Variants in ITGA6 observed in about 807,000 individuals in gnomAD.
ITGA6 encodes the protein integrin alpha-6.
Under a neutral mutation model 133.6 loss-of-function variants are expected in ITGA6, and 63 were observed. That is an observed-to-expected ratio of 0.47 (90% CI 0.38 to 0.58). ITGA6 has a LOEUF of 0.58. ITGA6 is among the 20% of genes least tolerant of loss of function. The probability of loss-of-function intolerance (pLI) is 0.00; values close to 1 mark genes in which losing one functional copy is unlikely to be tolerated. For missense variants in ITGA6, 1,068 were observed against 1,309.4 expected (o/e 0.82, Z 2.85); for synonymous variants, 434 against 482.0 (o/e 0.90, Z 1.30).
chr2:172,435,375 T>G (rs1291208045), intron 1 of ITGA6, among the ~76,000 whole-genome samples: 1 of 152,108 alleles, frequency 6.6e-6, no homozygotes, highest in Non-Finnish European at 1.5e-5. Context: ...CCCATTCCCC[T>G]GATATATCTT....
chr2:172,489,350 TC>T, intron 19 of ITGA6, 134 bp from the exon 20 acceptor site: 1 of 713,454 alleles, frequency 1.4e-6, no homozygotes, highest in Non-Finnish European at 2.4e-6. Context: ...CTATCTATAG[TC>T]CATTTTTGGA....
chr2:172,499,789 C>G (rs762308949), intron 24 of ITGA6, among the ~76,000 whole-genome samples: 13 of 152,162 alleles, frequency 8.5e-5, no homozygotes, highest in Non-Finnish European at 1.8e-4. Context: ...GAGGGTGAGA[C>G]AGCAGTGGAT....
intron 5 of ITGA6, among the ~76,000 whole-genome samples, chr2:172,471,916 A>G (rs1685956879): frequency 6.6e-6 from 1 of 151,992 alleles, no homozygotes; most frequent in South Asian, 2.1e-4. Context: ...AAAGAAAGTG[A>G]AGAAAAGTAC....
intron 9 of ITGA6, among the ~76,000 whole-genome samples, chr2:172,476,812 C>A (rs180719996): frequency 2.6e-5 from 4 of 152,176 alleles, no homozygotes; most frequent in Non-Finnish European, 4.4e-5. Context: ...GTACAAAGAA[C>A]ATACAGAAGG....
intron 9 of ITGA6, among the ~76,000 whole-genome samples, chr2:172,477,706 T>C (rs185778270): frequency 9.5e-4 from 145 of 152,340 alleles, no homozygotes; most frequent in Admixed American, 2.1e-3. Context: ...TTGCAGATAG[T>C]GTGAAAGTAG....
intron 25 of ITGA6, among the ~76,000 whole-genome samples, chr2:172,503,063 A>G (rs1687410224): frequency 6.6e-6 from 1 of 152,166 alleles, no homozygotes; most frequent in African/African-American, 2.4e-5. Context: ...ATAACTATAC[A>G]TATAATTTTA....
chr2:172,449,187 A>T (rs1436733569), intron 1 of ITGA6, among the ~76,000 whole-genome samples: 1 of 152,244 alleles, frequency 6.6e-6, no homozygotes, highest in East Asian at 1.9e-4. Context: ...ACTGGGCTGG[A>T]AGCCCTACCC....
chr2:172,473,167 A>T (rs2149046424), intron 5 of ITGA6, among the ~76,000 whole-genome samples: 1 of 152,296 alleles, frequency 6.6e-6, no homozygotes, highest in African/African-American at 2.4e-5. Flanking sequence ...AACCCAATAA[A>T]GGGGGTGAGC....
chr2:172,467,463 C>CA lies in ITGA6; in HGVS notation c.308-18_308-17insA, dbSNP rs747697632. ...CATGTGCAGTCACTTGGAAGGCTAA[C>CA]TATGCTCCTTTCTACAGCTGACCCC... is the stretch of plus-strand genomic sequence containing the variant. On this transcript the variant is annotated splice_polypyrimidine_tract_variant and intron_variant, in intron 2 of 25. Coordinates refer to ENST00000684293, the MANE Select transcript of ITGA6 (RefSeq NM_000210.4). The CA allele has an allele frequency of 6.2e-7, 1 of 1,604,984 alleles. No homozygotes were observed. Among genetic ancestry groups the CA allele is most frequent in the Non-Finnish European group, 8.5e-7 (1 of 1,171,910 alleles).
At chr2:172,460,033 G>A (rs1685367125) in intron 1 of ITGA6, among the ~76,000 whole-genome samples, 1 of 152,210 alleles carries the variant, frequency 6.6e-6, no homozygotes, top group African/African-American at 2.4e-5. Flanking sequence ...GTCCAAATGT[G>A]AAGTACACAA....
At chr2:172,476,128 G>A (rs1574380997) in intron 8 of ITGA6, among the ~76,000 whole-genome samples, 1 of 152,196 alleles carries the variant, frequency 6.6e-6, no homozygotes, top group South Asian at 2.1e-4. Flanking sequence ...GTTTGAAATG[G>A]CCTGATTGAC....
intron 11 of ITGA6, among the ~76,000 whole-genome samples, chr2:172,483,699 G>A (rs1686545256): frequency 6.6e-6 from 1 of 152,162 alleles, no homozygotes; most frequent in Non-Finnish European, 1.5e-5. Flanking sequence ...AACAGGCTGT[G>A]CCTTCTAGCC....
chr2:172,476,512 AG>A lies in ITGA6; in HGVS notation c.1388+1del. On this transcript the variant is annotated frameshift_variant and splice_region_variant, in exon 9 of 26. Transcript: ENST00000684293. LOFTEE classifies it high-confidence loss of function. Reference sequence around the variant, plus strand: ...CCTCTCAGATTCAGTAACTATTTTCAGGTCTGTTATCTATGATTTTAGTGTT... The same window carrying A: ...CCTCTCAGATTCAGTAACTATTTTCAGTCTGTTATCTATGATTTTAGTGTT... ...GSLSDSVTIFRSRPVINIQKT... is the reference protein window; with the variant it reads ...GSLSDSVTIFXSRPVINIQKT... 6.6e-7 allele frequency: 1 copy of A among 1,520,766 alleles called. No individual in the cohort carries two copies. Among genetic ancestry groups the A allele is most frequent in the Non-Finnish European group, 9.1e-7 (1 of 1,094,898 alleles). The allele number at this position is 1,520,766 out of a possible 1,614,324, so 94.2% of individuals were successfully genotyped here.
intron 11 of ITGA6, 57 bp downstream of exon 11, chr2:172,480,108 C>G: frequency 3.0e-6 from 3 of 1,007,252 alleles, no homozygotes; most frequent in Non-Finnish European, 4.7e-6. Context: ...GTTGAAAGTT[C>G]TGCATAAATC....
intron 23 of ITGA6, among the ~76,000 whole-genome samples, chr2:172,494,454 G>T (rs1043119240): frequency 6.6e-6 from 1 of 152,082 alleles, no homozygotes; most frequent in Non-Finnish European, 1.5e-5. Flanking sequence ...GCTGCAGTGA[G>T]CCAAGAGTGT....
chr2:172,455,231 T>C (rs1357847567), intron 1 of ITGA6, among the ~76,000 whole-genome samples: 1 of 152,224 alleles, frequency 6.6e-6, no homozygotes, highest in African/African-American at 2.4e-5. Context: ...ATTGCATAGG[T>C]GGGTGTTACC....
chr2:172,471,515 A>T (rs1685935625), intron 5 of ITGA6, among the ~76,000 whole-genome samples: 1 of 152,130 alleles, frequency 6.6e-6, no homozygotes, highest in Non-Finnish European at 1.5e-5. Flanking sequence ...ACTGCATTTA[A>T]TAAAGTTACT....
At chr2:172,434,080 C>T (rs1238354477) in intron 1 of ITGA6, among the ~76,000 whole-genome samples, 1 of 152,194 alleles carries the variant, frequency 6.6e-6, no homozygotes, top group African/African-American at 2.4e-5. Flanking sequence ...ACACCCAGGG[C>T]AGGTTTGAAA....
chr2:172,443,487 G>A (rs953408590), intron 1 of ITGA6, among the ~76,000 whole-genome samples: 2 of 152,126 alleles, frequency 1.3e-5, no homozygotes, highest in African/African-American at 4.8e-5. Flanking sequence ...AATGGTCACG[G>A]CTGATTCTGG....
Sources: gnomAD v4.1 joint callset for allele counts (sites outside exome capture counted in the v4.1 genomes callset) on GRCh38, gnomAD v4.1.1 for gene constraint, MANE v1.5 for transcripts, NCBI Gene and HGNC (gene_info 2026-07-23, HGNC 2026-07-21) for gene names.